Variants in ADAMTS17 observed in about 807,000 individuals in gnomAD.
The protein encoded by ADAMTS17 is A disintegrin and metalloproteinase with thrombospondin motifs 17.
ADAMTS17 carries 113 observed loss-of-function variants against 141.5 expected under a neutral mutation model. The ratio of observed to expected loss-of-function variants is 0.80; its 90% CI spans 0.69 to 0.93. The LOEUF is 0.93. ADAMTS17 is among the 40% of genes least tolerant of loss of function. The probability of loss-of-function intolerance (pLI) is 0.00; values close to 1 mark genes in which losing one functional copy is unlikely to be tolerated. For synonymous variants in ADAMTS17, 768 were observed against 630.6 expected, an observed-to-expected ratio of 1.22 and a Z score of -3.27; for missense variants, 1,659 against 1,517.9, an observed-to-expected ratio of 1.09 and a Z score of -1.54.
At chr15:100,167,750 G>C (rs1197754575) in intron 8 of ADAMTS17, among the ~76,000 whole-genome samples, 1 of 152,218 alleles carries the variant, frequency 6.6e-6, no homozygotes, top group African/African-American at 2.4e-5. Context: ...CAATGCGGCA[G>C]AGCAAGGGAG....
At chr15:100,218,810 A>C (rs77137880) in intron 7 of ADAMTS17, among the ~76,000 whole-genome samples, 7,660 of 152,218 alleles carry the variant, frequency 0.05, 439 homozygotes, top group African/African-American at 0.14. Context: ...ATATCAAAAA[A>C]ATGGGAAGAA....
intron 3 of ADAMTS17, among the ~76,000 whole-genome samples, chr15:100,298,209 C>G (rs897856415): frequency 6.6e-6 from 1 of 152,088 alleles, no homozygotes; most frequent in Admixed American, 6.6e-5. Flanking sequence ...GGAAGATTTC[C>G]TTGAAATGAG....
chr15:100,328,451 C>G (rs1215365462), intron 3 of ADAMTS17, among the ~76,000 whole-genome samples: 3 of 152,154 alleles, frequency 2.0e-5, no homozygotes, highest in Non-Finnish European at 4.4e-5. Context: ...TAGTGCAGAG[C>G]CTGAGTCTGG....
intron 14 of ADAMTS17, among the ~76,000 whole-genome samples, chr15:100,103,572 C>CTTTT (rs1054442884): frequency 3.0e-5 from 3 of 99,176 alleles, no homozygotes; most frequent in African/African-American, 7.7e-5. Context: ...CATCCAGCCA[C>CTTTT]TCTTTTTTTT....
At chr15:100,195,656 C>CAAA (rs34161657) in intron 8 of ADAMTS17, among the ~76,000 whole-genome samples, 104 of 137,534 alleles carry the variant, frequency 7.6e-4, no homozygotes, top group South Asian at 4.6e-3. Context: ...AATCTCATCT[C>CAAA]AAAAAAAAAA....
At chr15:100,151,937 C>T (rs1041503806) in intron 10 of ADAMTS17, among the ~76,000 whole-genome samples, 1 of 152,188 alleles carries the variant, frequency 6.6e-6, no homozygotes, top group Non-Finnish European at 1.5e-5. Flanking sequence ...GAGTTCAAAT[C>T]CTCGCTCTAC....
At chr15:100,127,011 T>C (rs1471064635) in intron 12 of ADAMTS17, among the ~76,000 whole-genome samples, 1 of 152,126 alleles carries the variant, frequency 6.6e-6, no homozygotes, top group African/African-American at 2.4e-5. Flanking sequence ...AGAGATCTCT[T>C]GAGAAGACAT....
intron 8 of ADAMTS17, among the ~76,000 whole-genome samples, chr15:100,191,548 T>C (rs989801315): frequency 6.6e-6 from 1 of 152,182 alleles, no homozygotes; most frequent in Non-Finnish European, 1.5e-5. Flanking sequence ...AGAAATGTCG[T>C]CGCCTCGCAT....
chr15:100,067,928 T>TG (rs2033664001), intron 15 of ADAMTS17, among the ~76,000 whole-genome samples: 1 of 152,164 alleles, frequency 6.6e-6, no homozygotes, highest in Non-Finnish European at 1.5e-5. Context: ...TGCAGTGCAC[T>TG]GAGCGTGAGC....
intron 12 of ADAMTS17, 69 bp downstream of exon 12, chr15:100,131,938 G>A (rs2038065425): frequency 1.2e-6 from 2 of 1,607,146 alleles, no homozygotes; most frequent in Non-Finnish European, 1.7e-6. Context: ...CTTTGTGTGA[G>A]GCAGCGAGAG....
chr15:100,247,636 AT>A (rs2043028495), intron 7 of ADAMTS17, among the ~76,000 whole-genome samples: 1 of 152,128 alleles, frequency 6.6e-6, no homozygotes, highest in African/African-American at 2.4e-5. Context: ...AAAAAGTGGC[AT>A]TTCTTTCTTA....
At chr15:100,258,393 G>A (rs942047196) in intron 6 of ADAMTS17, among the ~76,000 whole-genome samples, 7 of 152,144 alleles carry the variant, frequency 4.6e-5, no homozygotes, top group African/African-American at 1.4e-4. Flanking sequence ...ATTTTCCATT[G>A]TTTTGCGTAT....
intron 8 of ADAMTS17, among the ~76,000 whole-genome samples, chr15:100,192,552 C>G (rs960095023): frequency 6.6e-6 from 1 of 152,224 alleles, no homozygotes; most frequent in South Asian, 2.1e-4. Context: ...GCCGGCCCAT[C>G]TGATGTCTGT....
At chr15:100,060,749 T>G (rs1293082177) in intron 15 of ADAMTS17, among the ~76,000 whole-genome samples, 1 of 152,198 alleles carries the variant, frequency 6.6e-6, no homozygotes. Flanking sequence ...TGCCCAGGCA[T>G]TTCCTGTTCC....
chr15:100,153,062 C>G (rs1412494922), intron 9 of ADAMTS17, among the ~76,000 whole-genome samples: 1 of 152,176 alleles, frequency 6.6e-6, no homozygotes, highest in Non-Finnish European at 1.5e-5. Flanking sequence ...TGAAAGCTTT[C>G]TTTGATGAAA....
chr15:100,331,218 T>C (rs1015732488), intron 2 of ADAMTS17, among the ~76,000 whole-genome samples, 164 bp from the exon 3 acceptor site: 4 of 152,156 alleles, frequency 2.6e-5, no homozygotes, highest in African/African-American at 9.7e-5. Flanking sequence ...AAGAGTGAGC[T>C]TGTGTGTGAC....
At chr15:100,265,199 G>A (rs574105189) in intron 4 of ADAMTS17, among the ~76,000 whole-genome samples, 69 of 152,320 alleles carry the variant, frequency 4.5e-4, no homozygotes, top group Non-Finnish European at 7.5e-4. Flanking sequence ...CAAGGCGCAC[G>A]TTCAGAATCA....
At position 99,997,518 on chromosome 15, in the gene ADAMTS17, C is replaced by T; in HGVS notation, c.2663G>A (p.Cys888Tyr). 6.2e-7 allele frequency: 1 copy of T among 1,613,702 alleles called. No homozygotes were observed. ...TGTGCCGTTCTGCAGCTGGTACACG[C>T]AGGTCACCTCCCGGTGCTGGAAGCC... Reference protein sequence around the residue: ...EKGFQHREVTCVYQLQNGTHV... With the variant: ...EKGFQHREVTYVYQLQNGTHV... Residue 888 changes from cysteine to tyrosine, a missense_variant, in exon 19 of 22, where the codon TGC becomes TAC. Transcript: ENST00000268070. This position sits in a 1 kb window ranked among gnomAD's most constrained non-coding sequence, Gnocchi z 4.7.
At chr15:100,309,929 G>A (rs2045349558) in intron 3 of ADAMTS17, among the ~76,000 whole-genome samples, 1 of 152,200 alleles carries the variant, frequency 6.6e-6, no homozygotes, top group African/African-American at 2.4e-5. Context: ...GCAGCTTCAG[G>A]GAAAGGCGTC....
Sources: gnomAD v4.1 joint callset for allele counts (sites outside exome capture counted in the v4.1 genomes callset) on GRCh38, gnomAD v4.1.1 for gene constraint, Gnocchi (gnomAD v3.1) non-coding constraint, MANE v1.5 for transcripts, NCBI Gene and HGNC (gene_info 2026-07-23, HGNC 2026-07-21) for gene names.